COL26A1: variants seen among roughly 807,000 people sequenced by gnomAD.
COL26A1 encodes collagen type XXVI alpha 1 chain.
In COL26A1, 41 loss-of-function variants were observed where a neutral mutation model predicts 59.3. The ratio of observed to expected loss-of-function variants is 0.69; its 90% CI spans 0.54 to 0.90. COL26A1 has a LOEUF of 0.90. COL26A1 is among the 40% of genes least tolerant of loss of function. The probability of loss-of-function intolerance (pLI) is 0.00; values close to 1 mark genes in which losing one functional copy is unlikely to be tolerated. For missense variants in COL26A1, 612 were observed against 602.3 expected (o/e 1.02, Z -0.17); for synonymous variants, 266 against 256.0 (o/e 1.04, Z -0.37).
At chr7:101,505,553 C>T (rs1478906088) in intron 3 of COL26A1, among the ~76,000 whole-genome samples, 11 of 152,166 alleles carry the variant, frequency 7.2e-5, no homozygotes, top group Admixed American at 5.2e-4. Context: ...GAAGCCAGTC[C>T]GAGTTCCAAA....
intron 3 of COL26A1, among the ~76,000 whole-genome samples, chr7:101,521,150 C>G (rs1462244949): frequency 1.3e-5 from 2 of 152,134 alleles, no homozygotes; most frequent in Non-Finnish European, 2.9e-5. Flanking sequence ...GGGGGAACTG[C>G]CACTTTTTAA....
intron 3 of COL26A1, among the ~76,000 whole-genome samples, chr7:101,524,358 C>G (rs912838796): frequency 6.6e-6 from 1 of 151,884 alleles, no homozygotes; most frequent in Non-Finnish European, 1.5e-5. Flanking sequence ...ACCTTCTATA[C>G]AGTTGAGTTA....
In COL26A1 at chr7:101,366,474, ATTTTTTTTTTTTTTTTTTTTT is replaced by A. The variant is rs869149636; in HGVS notation, c.158+3307_158+3327del. ...TGTTACTGCTCCTTGTTAACGTCTG[ATTTTTTTTTTTTTTTTTTTTT>A]TTTTTTTTTTTTTTTTTTTTTTAAA... On this transcript the variant is annotated intron_variant, in intron 1 of 12. Coordinates refer to ENST00000313669, the MANE Select transcript of COL26A1 (RefSeq NM_001278563.3). Among the ~76,000 whole-genome samples the A allele has an allele frequency of 6.5e-3, 493 of 76,264 alleles. 8 individuals are homozygous for A. The highest frequency in any genetic ancestry group is 0.015 in the African/African-American group (404 of 27,010). The allele number at this position is 76,264 out of a possible 152,430, so 50.0% of individuals were successfully genotyped here.
At chr7:101,494,040 C>A (rs1051447308) in intron 3 of COL26A1, among the ~76,000 whole-genome samples, 2 of 151,966 alleles carry the variant, frequency 1.3e-5, no homozygotes, top group Admixed American at 1.3e-4. Flanking sequence ...TAGAAATGAG[C>A]GGGAAAGGTA....
rs1000139016 is a variant in COL26A1 at position 101,470,246 on chromosome 7, C to T, written c.385+22459C>T. Among the ~76,000 whole-genome samples, 5 of 151,868 alleles carry T rather than the reference C, an allele frequency of 3.3e-5. No individual in the cohort carries two copies. The South Asian group carries it at 8.3e-4, about 25-fold the overall frequency. Reference sequence around the variant, plus strand: ...TCCTGAATAGTTGGGATTACAGGCGCGCACCGCCATGTCCAGCTAATTTTT... The same window carrying T: ...TCCTGAATAGTTGGGATTACAGGCGTGCACCGCCATGTCCAGCTAATTTTT... On this transcript the variant is annotated intron_variant, in intron 3 of 12. Transcript: ENST00000313669.
chr7:101,374,764 A>G (rs999253896), intron 1 of COL26A1, among the ~76,000 whole-genome samples: 108 of 152,332 alleles, frequency 7.1e-4, no homozygotes, highest in African/African-American at 2.5e-3. Flanking sequence ...TAATAGAAAT[A>G]AAGTGCACAG....
At chr7:101,530,787 G>A (rs1033381665) in intron 3 of COL26A1, among the ~76,000 whole-genome samples, 4 of 151,988 alleles carry the variant, frequency 2.6e-5, no homozygotes, top group African/African-American at 9.7e-5. Context: ...TGAGCCCCAG[G>A]AGAGCCAGTG....
At chr7:101,444,413 T>C (rs868290147) in intron 2 of COL26A1, among the ~76,000 whole-genome samples, 160 of 132,124 alleles carry the variant, frequency 1.2e-3, no homozygotes, top group African/African-American at 4.2e-3. Flanking sequence ...TTCCTTCCTT[T>C]CTTCTTTTTT....
At chr7:101,388,961 TC>T (rs1391197260) in intron 1 of COL26A1, 3 of 281,936 alleles carry the variant, frequency 1.1e-5, no homozygotes, top group Non-Finnish European at 2.0e-5. Flanking sequence ...ATCTACCAAT[TC>T]CTCTGACAAG....
At chr7:101,525,502 G>T (rs1482125689) in intron 3 of COL26A1, among the ~76,000 whole-genome samples, 22 of 116,988 alleles carry the variant, frequency 1.9e-4, no homozygotes, top group South Asian at 5.6e-4. Flanking sequence ...TGTTTTTTTG[G>T]TTTTTTTTTT....
chr7:101,374,531 C>T (rs1002027890), intron 1 of COL26A1, among the ~76,000 whole-genome samples: 1 of 152,176 alleles, frequency 6.6e-6, no homozygotes, highest in Admixed American at 6.5e-5. Flanking sequence ...AGACCAGCAG[C>T]GGCAGTAGAT....
At chr7:101,422,975 A>C (rs1792559577) in intron 2 of COL26A1, among the ~76,000 whole-genome samples, 1 of 152,120 alleles carries the variant, frequency 6.6e-6, no homozygotes, top group Non-Finnish European at 1.5e-5. Flanking sequence ...ATCAAAACAC[A>C]ATAACGCAGC....
intron 3 of COL26A1, among the ~76,000 whole-genome samples, chr7:101,515,219 C>T (rs953335343): frequency 4.6e-5 from 7 of 152,212 alleles, no homozygotes; most frequent in African/African-American, 1.7e-4. Flanking sequence ...TGCACACAAA[C>T]GGTGCCTCTC....
At chr7:101,420,836 C>G (rs1473506914) in intron 2 of COL26A1, among the ~76,000 whole-genome samples, 2 of 151,904 alleles carry the variant, frequency 1.3e-5, no homozygotes, top group Non-Finnish European at 2.9e-5. Flanking sequence ...CTTCAGCATC[C>G]GCAGAGAGAT....
At chr7:101,385,260 C>T (rs1188345497) in intron 1 of COL26A1, among the ~76,000 whole-genome samples, 1 of 150,020 alleles carries the variant, frequency 6.7e-6, no homozygotes, top group Admixed American at 6.7e-5. Context: ...TACACACACA[C>T]ACATATATAT....
chr7:101,520,073 C>G (rs1267598271), intron 3 of COL26A1, among the ~76,000 whole-genome samples: 1 of 152,172 alleles, frequency 6.6e-6, no homozygotes. Flanking sequence ...AGATCTTTAC[C>G]CTCAGCCTGC....
intron 2 of COL26A1, among the ~76,000 whole-genome samples, chr7:101,446,245 T>A (rs976827750): frequency 6.6e-6 from 1 of 152,142 alleles, no homozygotes; most frequent in African/African-American, 2.4e-5. Flanking sequence ...CATTTCAACC[T>A]GAGATCTGGA....
At chr7:101,545,736 G>T (rs906505926) in intron 7 of COL26A1, among the ~76,000 whole-genome samples, 1 of 152,164 alleles carries the variant, frequency 6.6e-6, no homozygotes, top group Non-Finnish European at 1.5e-5. Context: ...TCCTCAAGTG[G>T]ACCCAGGGCT....
In COL26A1 at chr7:101,445,908, A is replaced by T. The variant is rs986774149; in HGVS notation, c.282-1776A>T. Among the ~76,000 whole-genome samples the T allele has an allele frequency of 2.0e-5, 3 of 147,306 alleles. No homozygotes were observed. In the East Asian group the frequency reaches 6.1e-4, roughly 30 times the overall value. ...ACTAAAAGTACAAAAATTAGCTGAGAGTGGTGGCATGTGCCTGTAATCCCA... is the reference window on the plus strand; with the variant it reads ...ACTAAAAGTACAAAAATTAGCTGAGTGTGGTGGCATGTGCCTGTAATCCCA... On this transcript the variant is annotated intron_variant, in intron 2 of 12. Coordinates refer to ENST00000313669, the MANE Select transcript of COL26A1 (RefSeq NM_001278563.3).
Sources: gnomAD v4.1 joint callset for allele counts (sites outside exome capture counted in the v4.1 genomes callset) on GRCh38, gnomAD v4.1.1 for gene constraint, MANE v1.5 for transcripts, NCBI Gene and HGNC (gene_info 2026-07-23, HGNC 2026-07-21) for gene names.